Variants in NEGR1 observed in about 807,000 individuals in gnomAD.
NEGR1 encodes the protein IgLON family member 4.
In NEGR1, 10 loss-of-function variants were observed where a neutral mutation model predicts 40.9. That is an observed-to-expected ratio of 0.24 (90% confidence interval 0.15 to 0.42). The LOEUF is 0.42. Among genes scored for constraint, NEGR1 ranks in the 10% least tolerant of loss-of-function variants. The pLI, the probability that NEGR1 is intolerant of heterozygous loss-of-function variation, is 1.00. For synonymous variants in NEGR1, 185 were observed against 166.8 expected (o/e 1.11, Z -0.84); for missense variants, 352 against 438.9 (o/e 0.80, Z 1.77).
intron 1 of NEGR1, among the ~76,000 whole-genome samples, chr1:72,121,257 T>A (rs1432176390): frequency 6.6e-6 from 1 of 152,054 alleles, no homozygotes; most frequent in East Asian, 1.9e-4. Context: ...CCAATGTTAC[T>A]TTTTAATATC....
rs150918531 is a variant in NEGR1, at chr1:71,964,184, G to A, written c.177-28873C>T. ...CTGTATTTTACAAAATGACCACATCGCCCATGCCACAGATGCTTCTGCGTT... is the reference window on the plus strand; with the variant it reads ...CTGTATTTTACAAAATGACCACATCACCCATGCCACAGATGCTTCTGCGTT... On this transcript the variant is annotated intron_variant, in intron 1 of 6. Coordinates refer to ENST00000357731, the MANE Select transcript of NEGR1 (RefSeq NM_173808.3). Among the ~76,000 whole-genome samples the A allele has an allele frequency of 2.1e-4, 32 of 151,966 alleles. 1 individual carries two copies. In the East Asian group the frequency reaches 5.8e-3, roughly 28 times the overall value.
At chr1:72,163,517 G>C (rs1651663309) in intron 1 of NEGR1, among the ~76,000 whole-genome samples, 1 of 152,038 alleles carries the variant, frequency 6.6e-6, no homozygotes. Context: ...AAAGCAAATG[G>C]AGACATGAGA....
At chr1:71,611,004 G>C in intron 5 of NEGR1, 22 bp downstream of exon 5, 2 of 1,612,264 alleles carry the variant, frequency 1.2e-6, no homozygotes, top group Non-Finnish European at 1.7e-6. Flanking sequence ...TTAGAACACA[G>C]TAATAATCAC....
chr1:72,220,110 C>T (rs1006962062), intron 1 of NEGR1, among the ~76,000 whole-genome samples: 2 of 151,962 alleles, frequency 1.3e-5, no homozygotes, highest in African/African-American at 4.8e-5. Context: ...TACTAATAAA[C>T]TCACATTATT....
chr1:71,563,205 T>A (rs1648515968), intron 6 of NEGR1, among the ~76,000 whole-genome samples: 1 of 151,978 alleles, frequency 6.6e-6, no homozygotes, highest in Admixed American at 6.6e-5. Context: ...ACCTTTTACT[T>A]AAGTGCAACA....
At chr1:71,878,780 G>A (rs931133538) in intron 2 of NEGR1, among the ~76,000 whole-genome samples, 10 of 152,024 alleles carry the variant, frequency 6.6e-5, no homozygotes, top group Non-Finnish European at 2.9e-5. Context: ...ATACTAGTGT[G>A]GGGACAATAA....
intron 3 of NEGR1, among the ~76,000 whole-genome samples, chr1:71,736,162 T>A (rs567373929): frequency 1.3e-5 from 2 of 152,096 alleles, no homozygotes; most frequent in Non-Finnish European, 2.9e-5. Context: ...GCAAATACTA[T>A]CTTCTAACTT....
At chr1:71,655,289 T>C (rs1470075337) in intron 4 of NEGR1, among the ~76,000 whole-genome samples, 1 of 152,154 alleles carries the variant, frequency 6.6e-6, no homozygotes, top group Non-Finnish European at 1.5e-5. Flanking sequence ...TGATAGAATA[T>C]TCCAGAAAAG....
intron 1 of NEGR1, among the ~76,000 whole-genome samples, chr1:71,968,059 A>T (rs559916021): frequency 4.4e-4 from 67 of 152,334 alleles, no homozygotes; most frequent in African/African-American, 1.5e-3. Context: ...AATGTCTCAT[A>T]ATGTTGTATC....
intron 1 of NEGR1, among the ~76,000 whole-genome samples, chr1:72,153,490 A>G (rs1162670267): frequency 6.6e-6 from 1 of 151,988 alleles, no homozygotes; most frequent in Non-Finnish European, 1.5e-5. Context: ...ATGTTTGAAT[A>G]TATACAAATT....
At chr1:71,695,727 T>C (rs1433754174) in intron 4 of NEGR1, among the ~76,000 whole-genome samples, 1 of 151,796 alleles carries the variant, frequency 6.6e-6, no homozygotes, top group Non-Finnish European at 1.5e-5. Flanking sequence ...CTGCACACTT[T>C]GTAAGCAGAG....
intron 1 of NEGR1, among the ~76,000 whole-genome samples, chr1:72,137,162 T>C (rs1330700506): frequency 6.6e-6 from 1 of 152,128 alleles, no homozygotes; most frequent in African/African-American, 2.4e-5. Context: ...TGTAAATTAG[T>C]TCAACCATTG....
At chr1:71,445,884 T>C (rs901341445) in intron 6 of NEGR1, among the ~76,000 whole-genome samples, 1 of 152,192 alleles carries the variant, frequency 6.6e-6, no homozygotes, top group African/African-American at 2.4e-5. Flanking sequence ...GCTAAAGCTC[T>C]GTCACAGAAT....
At chr1:72,183,924 C>T (rs2100417736) in intron 1 of NEGR1, among the ~76,000 whole-genome samples, 1 of 152,082 alleles carries the variant, frequency 6.6e-6, no homozygotes, top group South Asian at 2.1e-4. Context: ...TGGAAGAGAG[C>T]ATTCCAAACA....
chr1:71,862,213 G>A (rs966312570), intron 2 of NEGR1, among the ~76,000 whole-genome samples: 2 of 151,926 alleles, frequency 1.3e-5, no homozygotes, highest in African/African-American at 4.8e-5. Flanking sequence ...TTTATTAGAA[G>A]ACGAAATTTG....
rs897831236 is a variant in NEGR1 at position 71,396,331 on chromosome 1, A to G, written c.*11115T>C. On this transcript the variant is annotated 3_prime_UTR_variant, in exon 7 of 7. Transcript: ENST00000357731. The stretch of plus-strand genomic sequence containing the variant: ...TAATTCTTTTTAGACAGCTCTTCAG[A>G]GGTCACCTAAATCATATTTTATTGT... 3 of 152,216 alleles carry G rather than the reference A, an allele frequency of 2.0e-5. No homozygotes were observed. The highest frequency in any genetic ancestry group is 4.4e-5 in the Non-Finnish European group (3 of 68,040). 9.4% of individuals were successfully genotyped at this position (152,216 alleles called of 1,614,324 possible).
chr1:71,988,776 A>G (rs1322540384), intron 1 of NEGR1, among the ~76,000 whole-genome samples: 1 of 151,762 alleles, frequency 6.6e-6, no homozygotes. Context: ...AATCACAGAG[A>G]ACAAACACCT....
intron 2 of NEGR1, among the ~76,000 whole-genome samples, chr1:71,882,679 A>T (rs1206144691): frequency 6.6e-6 from 1 of 151,310 alleles, no homozygotes; most frequent in African/African-American, 2.4e-5. Flanking sequence ...AGTACTCGTG[A>T]TAACAGATTA....
chr1:72,083,099 T>G (rs1193376075), intron 1 of NEGR1, among the ~76,000 whole-genome samples: 1 of 152,172 alleles, frequency 6.6e-6, no homozygotes, highest in African/African-American at 2.4e-5. Context: ...TGGATCAATA[T>G]TTCTATATTA....
Sources: gnomAD v4.1 joint callset for allele counts (sites outside exome capture counted in the v4.1 genomes callset) on GRCh38, gnomAD v4.1.1 for gene constraint, MANE v1.5 for transcripts, NCBI Gene and HGNC (gene_info 2026-07-23, HGNC 2026-07-21) for gene names.